STK38L: variants seen among roughly 807,000 people sequenced by gnomAD.
STK38L encodes the protein serine/threonine-protein kinase 38-like.
Under a neutral mutation model 59.7 loss-of-function variants are expected in STK38L, and 28 were observed. The ratio of observed to expected loss-of-function variants is 0.47; its 90% CI spans 0.35 to 0.64. The LOEUF is 0.64. Among genes scored for constraint, STK38L ranks in the 30% least tolerant of loss-of-function variants. The probability of loss-of-function intolerance (pLI) is 0.01; values close to 1 mark genes in which losing one functional copy is unlikely to be tolerated. For synonymous variants in STK38L, 162 were observed against 176.8 expected (o/e 0.92, Z 0.66); for missense variants, 314 against 555.8 (o/e 0.56, Z 4.37).
chr12:27,292,745 C>A (rs1329449891), intron 1 of STK38L, among the ~76,000 whole-genome samples: 1 of 152,154 alleles, frequency 6.6e-6, no homozygotes, highest in Non-Finnish European at 1.5e-5. Context: ...GAAAGAACAT[C>A]ATAATCATTA....
Position 27,308,218 on chromosome 12 carries a change from AATAG to A in STK38L, c.187-120_187-117del, listed in dbSNP as rs1944362339. 1 of 918,208 alleles carries A rather than the reference AATAG, an allele frequency of 1.1e-6. No homozygotes were observed. Among genetic ancestry groups the A allele is most frequent in the East Asian group, 3.8e-5 (1 of 25,976 alleles). 56.9% of individuals were successfully genotyped at this position (918,208 alleles called of 1,614,324 possible). A position where few individuals can be genotyped will look rare whatever the true frequency, so the allele number is the denominator to read the frequency against. On this transcript the variant is annotated intron_variant, in intron 3 of 13. Transcript: ENST00000389032. The surrounding 1 kb of genome is among the most constrained non-coding windows in gnomAD (Gnocchi z 4.5). ...AGTTTTCTTTAAATTGTTTTAGCCTAATAGTATATTACATATTAGTGCTATCATT... is the reference window on the plus strand; with the variant it reads ...AGTTTTCTTTAAATTGTTTTAGCCTATATATTACATATTAGTGCTATCATT...
intron 1 of STK38L, among the ~76,000 whole-genome samples, chr12:27,267,324 G>A (rs1431944939): frequency 2.6e-5 from 4 of 152,202 alleles, no homozygotes; most frequent in Non-Finnish European, 4.4e-5. Context: ...GCTCACACCT[G>A]TAATCCCAGC....
intron 1 of STK38L, among the ~76,000 whole-genome samples, chr12:27,257,989 G>A (rs1298403467): frequency 6.6e-6 from 1 of 151,484 alleles, no homozygotes; most frequent in Non-Finnish European, 1.5e-5. Context: ...AGCCTCCCAA[G>A]TTGCTGGGAT....
intron 6 of STK38L, among the ~76,000 whole-genome samples, chr12:27,313,187 G>T (rs1947205649): frequency 6.7e-6 from 1 of 149,782 alleles, no homozygotes. Context: ...GGCGGAGCTT[G>T]CAGTGAGCCG....
intron 1 of STK38L, among the ~76,000 whole-genome samples, chr12:27,258,337 T>C (rs929840803): frequency 6.6e-6 from 1 of 152,198 alleles, no homozygotes; most frequent in African/African-American, 2.4e-5. Flanking sequence ...TTTGTGTGTG[T>C]GTTTTGAGAT....
At chr12:27,262,025 A>G (rs1414981565) in intron 1 of STK38L, among the ~76,000 whole-genome samples, 1 of 152,240 alleles carries the variant, frequency 6.6e-6, no homozygotes. Flanking sequence ...ATCTCTGGGT[A>G]AACATTCTTT....
intron 1 of STK38L, among the ~76,000 whole-genome samples, chr12:27,249,130 A>G (rs955128086): frequency 6.6e-6 from 1 of 152,198 alleles, no homozygotes; most frequent in African/African-American, 2.4e-5. Context: ...CCCACCAGGA[A>G]CAGCTTATCT....
intron 1 of STK38L, among the ~76,000 whole-genome samples, chr12:27,268,904 T>A (rs9738272): frequency 1.3e-5 from 2 of 152,028 alleles, no homozygotes; most frequent in African/African-American, 4.8e-5. Context: ...TCTTTTGGCT[T>A]CATAAATGTC....
At chr12:27,280,548 A>T (rs1327403311) in intron 1 of STK38L, among the ~76,000 whole-genome samples, 1 of 152,142 alleles carries the variant, frequency 6.6e-6, no homozygotes, top group Non-Finnish European at 1.5e-5. Flanking sequence ...TCTTGAGGCT[A>T]CTTCAGGCGT....
At chr12:27,302,116 A>ATT in intron 2 of STK38L, 21 bp from the exon 3 acceptor site, 1 of 1,575,870 alleles carries the variant, frequency 6.3e-7, no homozygotes, top group East Asian at 2.3e-5. Flanking sequence ...TTAAAATTTA[A>ATT]TTTTTTTTTC....
At chr12:27,314,936 C>A in intron 7 of STK38L, 79 bp from the exon 8 acceptor site, 1 of 1,054,102 alleles carries the variant, frequency 9.5e-7, no homozygotes, top group South Asian at 1.8e-5. Context: ...ATTATAATTG[C>A]CATTTAATAG....
intron 1 of STK38L, among the ~76,000 whole-genome samples, chr12:27,273,837 A>T (rs1943474776): frequency 1.3e-5 from 2 of 152,242 alleles, no homozygotes; most frequent in African/African-American, 4.8e-5. Context: ...TCTTTATTCA[A>T]ATGAAGATAA....
intron 1 of STK38L, among the ~76,000 whole-genome samples, chr12:27,262,001 A>G (rs1236027775): frequency 1.3e-5 from 2 of 152,252 alleles, no homozygotes; most frequent in Non-Finnish European, 2.9e-5. Flanking sequence ...TTTTATTAGC[A>G]GCAGCGGCAG....
intron 1 of STK38L, chr12:27,293,524 AT>A (rs1371204178): frequency 1.3e-5 from 2 of 151,770 alleles, no homozygotes; most frequent in African/African-American, 4.8e-5. Flanking sequence ...TGTCTTGTAT[AT>A]TTGTCTTTTG....
chr12:27,312,548 G>C lies in STK38L; in HGVS notation c.394-1G>C. On this transcript the variant is annotated splice_acceptor_variant, in intron 5 of 13. Transcript: ENST00000389032. LOFTEE classifies it high-confidence loss of function. ...TTTTTTTCAAAAATATATTCATCTA[G>C]GTGGCCCATATCCGAGCAGAAAGAG... 1.2e-6 allele frequency: 2 copies of C among 1,612,512 alleles called. No individual in the cohort carries two copies. The highest frequency in any genetic ancestry group is 1.7e-6 in the Non-Finnish European group (2 of 1,179,660).
At chr12:27,263,223 T>C (rs1320266553) in intron 1 of STK38L, among the ~76,000 whole-genome samples, 1 of 152,240 alleles carries the variant, frequency 6.6e-6, no homozygotes, top group Non-Finnish European at 1.5e-5. Flanking sequence ...ACTACGACTA[T>C]GCATATGAAA....
In STK38L at chr12:27,296,309, G is replaced by A. The variant is rs184035108; in HGVS notation, c.-11-1401G>A. Among the ~76,000 whole-genome samples the A allele has an allele frequency of 5.4e-3, 824 of 152,336 alleles. 4 individuals carry two copies. Among genetic ancestry groups the A allele is most frequent in the Non-Finnish European group, 7.9e-3 (539 of 68,028 alleles). On this transcript the variant is annotated intron_variant, in intron 1 of 13. Transcript: ENST00000389032. ...TGATTCTAAACAAGTGACACGATCA[G>A]CTTCTCATTTAAAGTAGTCAGCAGA...
chr12:27,303,473 C>T (rs899769479), intron 3 of STK38L, among the ~76,000 whole-genome samples: 1 of 152,196 alleles, frequency 6.6e-6, no homozygotes. Context: ...CCTTAAAATA[C>T]AGTCTTCCCA....
intron 1 of STK38L, among the ~76,000 whole-genome samples, chr12:27,271,143 T>C (rs1943414462): frequency 6.6e-6 from 1 of 152,220 alleles, no homozygotes; most frequent in Admixed American, 6.5e-5. Context: ...CAGGCAGATT[T>C]AGTAACTTGT....
Sources: allele counts gnomAD v4.1 joint callset (sites outside exome capture counted in the v4.1 genomes callset), GRCh38; gene constraint gnomAD v4.1.1; non-coding constraint Gnocchi (gnomAD v3.1); transcripts MANE v1.5; gene names NCBI Gene and HGNC (gene_info 2026-07-23, HGNC 2026-07-21).